CADM1: variants seen among roughly 807,000 people sequenced by gnomAD.
CADM1 encodes TSLC-1.
Under a neutral mutation model 53.1 loss-of-function variants are expected in CADM1, and 15 were observed. The observed-to-expected ratio is 0.28, with a 90% confidence interval of 0.19 to 0.44. The LOEUF is 0.44. Ranked by LOEUF, CADM1 falls within the 20% of genes least tolerant of loss-of-function variation. CADM1 has a pLI of 1.00. For missense variants in CADM1, 434 were observed against 611.3 expected, an observed-to-expected ratio of 0.71 and a Z score of 3.06; for synonymous variants, 281 against 243.0, an observed-to-expected ratio of 1.16 and a Z score of -1.45.
At chr11:115,331,084 T>C (rs1945117311) in intron 1 of CADM1, among the ~76,000 whole-genome samples, 1 of 152,234 alleles carries the variant, frequency 6.6e-6, no homozygotes, top group South Asian at 2.1e-4. Flanking sequence ...CAGGAAAGAA[T>C]GTAAAAATTC....
At chr11:115,198,591 G>A (rs2134678929) in intron 8 of CADM1, among the ~76,000 whole-genome samples, 153 bp from the exon 9 acceptor site, 1 of 152,310 alleles carries the variant, frequency 6.6e-6, no homozygotes, top group Admixed American at 6.5e-5. Flanking sequence ...AAAGCAAAAA[G>A]CATTTGAAGT....
At chr11:115,384,334 T>C (rs1419351158) in intron 1 of CADM1, among the ~76,000 whole-genome samples, 1 of 152,094 alleles carries the variant, frequency 6.6e-6, no homozygotes. Context: ...TACCAACTCT[T>C]TTCTCCATTT....
At chr11:115,282,108 G>T (rs1208569301) in intron 1 of CADM1, among the ~76,000 whole-genome samples, 1 of 152,120 alleles carries the variant, frequency 6.6e-6, no homozygotes, top group Non-Finnish European at 1.5e-5. Flanking sequence ...TTAATAAAAA[G>T]AAGAATTACT....
chr11:115,295,586 A>T (rs1944057530), intron 1 of CADM1, among the ~76,000 whole-genome samples: 1 of 145,544 alleles, frequency 6.9e-6, no homozygotes, highest in African/African-American at 2.5e-5. Flanking sequence ...ATATACACAC[A>T]TATATAAATT....
At chr11:115,204,737 A>G (rs1196089360) in intron 8 of CADM1, among the ~76,000 whole-genome samples, 2 of 152,212 alleles carry the variant, frequency 1.3e-5, no homozygotes, top group Admixed American at 6.5e-5. Flanking sequence ...GGCATATTCT[A>G]TACATATCAC....
chr11:115,420,152 T>C (rs1202486093), intron 1 of CADM1, among the ~76,000 whole-genome samples: 1 of 152,186 alleles, frequency 6.6e-6, no homozygotes, highest in Non-Finnish European at 1.5e-5. Context: ...CCTTTTCTCC[T>C]TAAGCTCCTC....
At chr11:115,462,669 T>C (rs543334673) in intron 1 of CADM1, among the ~76,000 whole-genome samples, 8 of 152,324 alleles carry the variant, frequency 5.3e-5, no homozygotes, top group African/African-American at 1.9e-4. Flanking sequence ...AACATGATTA[T>C]GTTGAAAAGT....
rs1183058150 is a variant in CADM1, at chr11:115,178,788, G to A, written c.1166-13C>T. The A allele has an allele frequency of 5.0e-6, 8 of 1,613,830 alleles. No individual in the cohort carries two copies. In the South Asian group the frequency reaches 8.8e-5, roughly 18 times the overall value. On this transcript the variant is annotated splice_polypyrimidine_tract_variant and intron_variant, in intron 10 of 11. Transcript: ENST00000331581. ...CCTGCTCGGGAATCTGTTAAAATCAGAAGAGGAATAGGGATGTAGAGCTTA... is the reference window on the plus strand; with the variant it reads ...CCTGCTCGGGAATCTGTTAAAATCAAAAGAGGAATAGGGATGTAGAGCTTA...
At chr11:115,497,316 GAA>G (rs949858356) in intron 1 of CADM1, among the ~76,000 whole-genome samples, 1 of 152,046 alleles carries the variant, frequency 6.6e-6, no homozygotes. Flanking sequence ...TCTACTAAAA[GAA>G]AAAATTTCTC....
At chr11:115,349,028 G>A (rs1945656780) in intron 1 of CADM1, among the ~76,000 whole-genome samples, 1 of 152,124 alleles carries the variant, frequency 6.6e-6, no homozygotes, top group Non-Finnish European at 1.5e-5. Context: ...CATAAATCAG[G>A]CAGATATACT....
intron 1 of CADM1, among the ~76,000 whole-genome samples, chr11:115,333,152 T>C (rs997473681): frequency 1.3e-5 from 2 of 152,038 alleles, no homozygotes; most frequent in Admixed American, 1.3e-4. Context: ...CAACCATCTT[T>C]TCTTACCTGA....
rs1013518016 is a variant in CADM1, at chr11:115,170,193, G to C, written c.*6281C>G. The C allele has an allele frequency of 1.3e-5, 2 of 153,402 alleles. No individual in the cohort carries two copies. Among genetic ancestry groups the C allele is most frequent in the African/African-American group, 4.8e-5 (2 of 41,456 alleles). The allele number at this position is 153,402 out of a possible 1,614,324, so 9.5% of individuals were successfully genotyped here. A position where few individuals can be genotyped will look rare whatever the true frequency, so the allele number is the denominator to read the frequency against. On this transcript the variant is annotated 3_prime_UTR_variant, in exon 12 of 12. Transcript: ENST00000331581. ...TGTGCACGTCTGGAGGGCAGCTGAA[G>C]TCCCGGGCCCAGAGAACCGGTTGAT...
chr11:115,217,902 C>T lies in CADM1; in HGVS notation c.811G>A (p.Gly271Arg), dbSNP rs748898973. The T allele has an allele frequency of 1.2e-6, 2 of 1,612,984 alleles. No homozygotes were observed. The highest frequency in any genetic ancestry group is 1.3e-5 in the African/African-American group (1 of 74,988). Reference sequence around the variant, plus strand: ...GCCTTCAGAACTTACTGGGGCTTCCCGATGGCTTCACATGTTAACTCAAGC... The same window carrying T: ...GCCTTCAGAACTTACTGGGGCTTCCTGATGGCTTCACATGTTAACTCAAGC... ...DALELTCEAI[G>R]KPQPVMVTWV... Residue 271 changes from glycine (G) to arginine (R), a missense_variant, in exon 6 of 12, where the codon GGG (glycine) becomes AGG (arginine). Gly to Arg is a moderately radical substitution (Grantham distance 125, BLOSUM62 -2). This residue lies in a region of CADM1 where 311 missense variants were observed against 435.1 expected (regional missense o/e 0.71). Transcript: ENST00000331581.
chr11:115,182,704 C>T (rs1231949794), intron 10 of CADM1, among the ~76,000 whole-genome samples: 3 of 152,230 alleles, frequency 2.0e-5, no homozygotes, highest in South Asian at 2.1e-4. Context: ...ACTCTGTAGT[C>T]GAGGGCTTCA....
chr11:115,241,891 T>C (rs1456614542), intron 1 of CADM1, among the ~76,000 whole-genome samples: 1 of 151,488 alleles, frequency 6.6e-6, no homozygotes, highest in East Asian at 1.9e-4. Context: ...TAAAGAAAAT[T>C]TGAGACAGTA....
intron 1 of CADM1, among the ~76,000 whole-genome samples, chr11:115,322,328 AC>A (rs1944845112): frequency 1.3e-5 from 2 of 152,242 alleles, no homozygotes; most frequent in Admixed American, 1.3e-4. Context: ...AATGAATCTG[AC>A]GCAGGCTGTT....
At chr11:115,244,904 T>C (rs1428982843) in intron 1 of CADM1, among the ~76,000 whole-genome samples, 1 of 152,224 alleles carries the variant, frequency 6.6e-6, no homozygotes, top group Non-Finnish European at 1.5e-5. Context: ...ACTCTGCCCC[T>C]AGAGAAAGCC....
chr11:115,413,070 C>T (rs750134336), intron 1 of CADM1, among the ~76,000 whole-genome samples: 11 of 152,008 alleles, frequency 7.2e-5, no homozygotes, highest in Admixed American at 2.0e-4. Flanking sequence ...CAGGTTTCTT[C>T]GTAAAAACCT....
At chr11:115,196,499 C>G (rs1410636498) in intron 9 of CADM1, among the ~76,000 whole-genome samples, 1 of 146,482 alleles carries the variant, frequency 6.8e-6, no homozygotes, top group South Asian at 2.2e-4. Flanking sequence ...TACATTATAT[C>G]AGGGGTGTCC....
Sources: gnomAD v4.1 joint callset for allele counts (sites outside exome capture counted in the v4.1 genomes callset) on GRCh38, gnomAD v4.1.1 for gene constraint, gnomAD v4.1.1 regional missense constraint, MANE v1.5 for transcripts, NCBI Gene and HGNC (gene_info 2026-07-23, HGNC 2026-07-21) for gene names.